Variants in RGS11 observed in about 807,000 individuals in gnomAD.
The protein encoded by RGS11 is regulator of G-protein signaling 11.
RGS11 carries 86 observed loss-of-function variants against 71.1 expected under a neutral mutation model. The observed-to-expected ratio is 1.21, with a 90% CI of 1.02 to 1.45. RGS11 has a LOEUF of 1.45. Ranked by LOEUF, RGS11 falls within the 40% of genes most tolerant of loss-of-function variation. The probability of loss-of-function intolerance (pLI) is 0.00; values close to 1 mark genes in which losing one functional copy is unlikely to be tolerated. For missense variants in RGS11, 734 were observed against 635.1 expected, an observed-to-expected ratio of 1.16 and a Z score of -1.67; for synonymous variants, 298 against 254.2, an observed-to-expected ratio of 1.17 and a Z score of -1.64.
At chr16:269,975 CAG>C (rs1436617855) in intron 15 of RGS11, 1 of 199,798 alleles carries the variant, frequency 5.0e-6, no homozygotes, top group East Asian at 1.3e-4. Flanking sequence ...CCCGGCCGGG[CAG>C]AGTGGCTCAC....
intron 15 of RGS11, 57 bp from the exon 16 acceptor site, chr16:269,642 T>G: frequency 7.4e-7 from 1 of 1,359,080 alleles, no homozygotes; most frequent in Non-Finnish European, 1.0e-6. Context: ...CTCAGCCAGC[T>G]CCACCCGAAG....
intron 14 of RGS11, 30 bp downstream of exon 14, chr16:270,714 G>A (rs752130779): frequency 1.9e-6 from 3 of 1,610,464 alleles, no homozygotes; most frequent in Non-Finnish European, 2.5e-6. Flanking sequence ...CTGCCCGTTG[G>A]CCAACCGGTG....
In RGS11 at chr16:268,719, G is replaced by A. The variant is rs1006390642; in HGVS notation, c.*550C>T. On this transcript the variant is annotated 3_prime_UTR_variant, in exon 17 of 17. Coordinates refer to ENST00000397770, the MANE Select transcript of RGS11 (RefSeq NM_183337.3). ...GCGAGGGAGGAATAGGCGCAGCTCCGGAAGGCAGTGACCTCGAGGCAGCCT... is the reference window on the plus strand; with the variant it reads ...GCGAGGGAGGAATAGGCGCAGCTCCAGAAGGCAGTGACCTCGAGGCAGCCT... 2.9e-5 allele frequency: 44 copies of A among 1,522,242 alleles called. No homozygotes were observed. Among genetic ancestry groups the A allele is most frequent in the Middle Eastern group, 1.7e-4 (1 of 5,894 alleles). 94.3% of individuals were successfully genotyped at this position (1,522,242 alleles called of 1,614,324 possible).
chr16:275,165 T>C (rs2052113287), intron 3 of RGS11, 83 bp from the exon 4 acceptor site: 5 of 1,570,802 alleles, frequency 3.2e-6, no homozygotes, highest in Non-Finnish European at 4.3e-6. Context: ...CCCTATGTGC[T>C]CCCCACCCTT....
chr16:275,532 C>A (rs751109278), intron 1 of RGS11, 34 bp from the exon 2 acceptor site: 1 of 1,488,524 alleles, frequency 6.7e-7, no homozygotes, highest in Admixed American at 2.0e-5. Flanking sequence ...GGTGTCTGGC[C>A]GCCCCGCAAC....
intron 13 of RGS11, 61 bp from the exon 14 acceptor site, chr16:270,892 G>C (rs1313942369): frequency 6.3e-7 from 1 of 1,583,660 alleles, no homozygotes; most frequent in Non-Finnish European, 8.6e-7. Flanking sequence ...GCCGGTGGGG[G>C]GTTCCCAGGG....
At chr16:269,862 C>T (rs548093394) in intron 15 of RGS11, 11 of 385,404 alleles carry the variant, frequency 2.9e-5, no homozygotes, top group East Asian at 1.9e-4. Context: ...CAGCCATTAG[C>T]GGGAACCAGG....
intron 9 of RGS11, chr16:272,410 G>A: frequency 7.7e-7 from 1 of 1,296,526 alleles, no homozygotes; most frequent in Non-Finnish European, 1.0e-6. Flanking sequence ...GGGTCTGGAT[G>A]GGACTGGTTT....
In RGS11 at chr16:269,504, G is replaced by C. The variant is rs757464684; in HGVS notation, c.1288C>G (p.Arg430Gly). 2 of 1,612,772 alleles carry C rather than the reference G, an allele frequency of 1.2e-6. No homozygotes were observed. Among genetic ancestry groups the C allele is most frequent in the Admixed American group, 1.7e-5 (1 of 59,980 alleles). The change falls in exon 16 of 17, where the codon CGC becomes GGC. Residue 430 changes from arginine (R) to glycine (G), a missense_variant and splice_region_variant. Physicochemically the swap from Arg to Gly is moderately radical, Grantham distance 125 (BLOSUM62 -2). Transcript: ENST00000397770. ...EAGIPLEMKR[R>G]VFPFTWRPRH... ...CCACAGGGCACTGCCTGGGCTCACC[G>C]TCTCTTCATCTCCAGCGGGATCCCA...
chr16:273,487 C>T lies in RGS11; in HGVS notation c.576G>A (p.Val192=), dbSNP rs1052577861. The change falls in exon 8 of 17, where the codon GTG becomes GTA. Residue 192 remains valine (V), a synonymous_variant. Transcript: ENST00000397770. The stretch of plus-strand genomic sequence containing the variant: ...CAGGTGGGCTCACCGGGGGCCTGTT[C>T]ACCAGCCAGTAGGTCTGCTCCTGGC... ...IACQEQTYWL[V]NRPPPGAPDV... is the part of the protein sequence containing the mutation. 9.7e-6 allele frequency: 15 copies of T among 1,551,798 alleles called. No individual in the cohort carries two copies. The highest frequency in any genetic ancestry group is 1.2e-5 in the Non-Finnish European group (14 of 1,147,892).
chr16:270,026 G>T (rs1402944611), intron 15 of RGS11: 308 of 180,150 alleles, frequency 1.7e-3, no homozygotes, highest in African/African-American at 7.1e-3. Context: ...GATGCGGGTG[G>T]ATCATGAGGT....
chr16:270,708 C>T, intron 14 of RGS11, 36 bp downstream of exon 14: 4 of 1,610,276 alleles, frequency 2.5e-6, no homozygotes, highest in Non-Finnish European at 3.4e-6. Context: ...GTGCACCTGC[C>T]CGTTGGCCAA....
intron 4 of RGS11, 115 bp downstream of exon 4, chr16:274,861 G>A (rs2052094924): frequency 7.2e-7 from 1 of 1,391,678 alleles, no homozygotes; most frequent in Non-Finnish European, 9.9e-7. Context: ...GCGACATGGC[G>A]GAGTCCCACT....
chr16:274,188 C>T lies in RGS11; in HGVS notation c.370+26G>A, dbSNP rs143626267. On this transcript the variant is annotated intron_variant, in intron 5 of 16. Coordinates refer to ENST00000397770, the MANE Select transcript of RGS11 (RefSeq NM_183337.3). ...GAGGCCCCCAGTCCTGGGAACTTGT[C>T]TGGGGCCAGCCGTCCCCTTGCTCAC... is the stretch of plus-strand genomic sequence containing the variant. The T allele has an allele frequency of 1.2e-3, 2,000 of 1,603,306 alleles. 18 individuals carry two copies. The African/African-American group carries it at 0.023, about 19-fold the overall frequency.
rs949680262 is a variant in RGS11, at chr16:269,259, G to A, written c.*10C>T. The A allele has an allele frequency of 3.6e-5, 56 of 1,538,116 alleles. No homozygotes were observed. The highest frequency in any genetic ancestry group is 4.9e-5 in the Non-Finnish European group (55 of 1,133,162). ...CTGCAGGGACTAGAGTGGCAGATGG[G>A]CCAGGTCCACTAGGCCACCCCATCT... On this transcript the variant is annotated 3_prime_UTR_variant, in exon 17 of 17. Coordinates refer to ENST00000397770, the MANE Select transcript of RGS11 (RefSeq NM_183337.3).
intron 9 of RGS11, chr16:272,161 T>A (rs1219008315): frequency 6.1e-6 from 7 of 1,149,504 alleles, no homozygotes; most frequent in Middle Eastern, 3.4e-4. Flanking sequence ...TCAAATGTAC[T>A]TAAATTATGT....
chr16:269,017 T>A lies in RGS11; in HGVS notation c.*252A>T. On this transcript the variant is annotated 3_prime_UTR_variant, in exon 17 of 17. Transcript: ENST00000397770. ...TCACCTCTCTTCAGGTAACAGGCTC[T>A]GCCCTGACCCAAGCTGAGCCAATGA... 1 of 1,368,792 alleles carries A rather than the reference T, an allele frequency of 7.3e-7. No homozygotes were observed. The highest frequency in any genetic ancestry group is 1.0e-6 in the Non-Finnish European group (1 of 981,462). 84.8% of individuals were successfully genotyped at this position (1,368,792 alleles called of 1,614,324 possible). A position where few individuals can be genotyped will look rare whatever the true frequency, so the allele number is the denominator to read the frequency against.
Position 271,227 on chromosome 16 carries a change from C to A in RGS11, c.838G>T (p.Ala280Ser). 6.2e-7 allele frequency: 1 copy of A among 1,612,860 alleles called. No individual in the cohort carries two copies. The highest frequency in any genetic ancestry group is 8.5e-7 in the Non-Finnish European group (1 of 1,179,914). The change falls in exon 12 of 17, where the codon GCC becomes TCC. Residue 280 changes from alanine (A) to serine (S), a missense_variant. Coordinates refer to ENST00000397770, the MANE Select transcript of RGS11 (RefSeq NM_183337.3). ...PSNPWISDND[A>S]YWVMNAPTVA... The stretch of plus-strand genomic sequence containing the variant: ...GTGGGGGCATTCATGACCCAGTAGG[C>A]GTCATTGTCTGAGATCCAGGGATTG...
chr16:274,794 C>T (rs1434961287), intron 4 of RGS11, 182 bp downstream of exon 4: 1 of 837,156 alleles, frequency 1.2e-6, no homozygotes, highest in Admixed American at 2.0e-5. Context: ...CTTCTCACCA[C>T]ATCCGTACTT....
Sources: allele counts gnomAD v4.1 joint callset, GRCh38; gene constraint gnomAD v4.1.1; transcripts MANE v1.5; gene names NCBI Gene and HGNC (gene_info 2026-07-23, HGNC 2026-07-21).